Variants in CDIN1 observed in about 807,000 individuals in gnomAD.
CDIN1 encodes the protein CDAN1-interacting nuclease 1.
A neutral mutation model predicts 45.3 loss-of-function variants in CDIN1; 33 were observed. That is an observed-to-expected ratio of 0.73 (90% confidence interval 0.55 to 0.97). The LOEUF is 0.97. CDIN1 is among the 50% of genes least tolerant of loss of function. CDIN1 has a pLI of 0.00. For missense variants in CDIN1, 303 were observed against 339.4 expected (o/e 0.89, Z 0.84); for synonymous variants, 118 against 124.4 (o/e 0.95, Z 0.34).
chr15:36,611,496 G>C (rs1013974090), intron 1 of CDIN1, among the ~76,000 whole-genome samples: 1 of 152,164 alleles, frequency 6.6e-6, no homozygotes, highest in Non-Finnish European at 1.5e-5. Context: ...AATGAAGAAA[G>C]ACTGAGAAGG....
At chr15:36,756,498 A>G (rs1387012085) in intron 10 of CDIN1, among the ~76,000 whole-genome samples, 2 of 152,220 alleles carry the variant, frequency 1.3e-5, no homozygotes, top group African/African-American at 4.8e-5. Context: ...ATTTTGTCAC[A>G]GCCTTTCAAG....
chr15:36,702,925 GT>G (rs1016137948), intron 8 of CDIN1, among the ~76,000 whole-genome samples: 9 of 151,710 alleles, frequency 5.9e-5, no homozygotes, highest in African/African-American at 2.2e-4. Flanking sequence ...AAAGGGCCAG[GT>G]GCAGTGGCTC....
intron 1 of CDIN1, chr15:36,614,058 A>C: frequency 9.5e-7 from 1 of 1,057,392 alleles, no homozygotes; most frequent in Non-Finnish European, 1.5e-6. Flanking sequence ...TGATAAACTC[A>C]AGGAGAGACC....
At chr15:36,617,641 A>G in intron 1 of CDIN1, 1 of 768,276 alleles carries the variant, frequency 1.3e-6, no homozygotes, top group Non-Finnish European at 2.4e-6. Context: ...CATGGTACAA[A>G]TTGATGAGAA....
intron 10 of CDIN1, among the ~76,000 whole-genome samples, chr15:36,757,765 A>G (rs2053646578): frequency 6.6e-6 from 1 of 151,970 alleles, no homozygotes; most frequent in East Asian, 1.9e-4. Context: ...CTCCTGACCT[A>G]CTGTCAGGAG....
chr15:36,776,576 C>A (rs1009670575), intron 10 of CDIN1, among the ~76,000 whole-genome samples: 2 of 152,198 alleles, frequency 1.3e-5, no homozygotes, highest in Non-Finnish European at 2.9e-5. Context: ...TAAAATTATT[C>A]TTCGTGCTAA....
At chr15:36,785,047 G>A (rs1157158743) in intron 10 of CDIN1, among the ~76,000 whole-genome samples, 1 of 152,174 alleles carries the variant, frequency 6.6e-6, no homozygotes, top group Non-Finnish European at 1.5e-5. Context: ...ATGTCAGGGT[G>A]CTGCCCTTGT....
chr15:36,669,059 C>A (rs1018413712), intron 5 of CDIN1: 5 of 152,010 alleles, frequency 3.3e-5, no homozygotes, highest in African/African-American at 1.2e-4. Flanking sequence ...TTTTAGAGAT[C>A]CTTTTCGGAA....
chr15:36,603,443 G>T (rs563850826), intron 1 of CDIN1, among the ~76,000 whole-genome samples: 63 of 152,258 alleles, frequency 4.1e-4, no homozygotes, highest in African/African-American at 1.4e-3. Flanking sequence ...TGCTTAGAAA[G>T]GGAGACTATA....
chr15:36,650,407 TTTATTTATTTATTTATTTATTTA>T (rs2040524922), intron 3 of CDIN1, among the ~76,000 whole-genome samples: 1 of 1,642 alleles, frequency 6.1e-4, no homozygotes, highest in African/African-American at 1.1e-3. Context: ...AAAATTTTTA[TTTATTTATTTATTTATTTATTTA>T]TTTATTTATT....
At chr15:36,722,499 T>G (rs761453094) in intron 10 of CDIN1, among the ~76,000 whole-genome samples, 2 of 152,216 alleles carry the variant, frequency 1.3e-5, no homozygotes, top group African/African-American at 2.4e-5. Context: ...CTTTCTTTGG[T>G]TATCTACTGG....
At chr15:36,580,849 T>G (rs959966659) in intron 1 of CDIN1, among the ~76,000 whole-genome samples, 5 of 152,234 alleles carry the variant, frequency 3.3e-5, no homozygotes, top group Non-Finnish European at 7.3e-5. Flanking sequence ...TTATTCCTAA[T>G]GGAGAGCTTC....
At chr15:36,681,197 A>G (rs2140619743) in intron 5 of CDIN1, among the ~76,000 whole-genome samples, 1 of 152,318 alleles carries the variant, frequency 6.6e-6, no homozygotes, top group African/African-American at 2.4e-5. Flanking sequence ...AAATAAAGGT[A>G]TAGAATTTTG....
At chr15:36,806,795 G>A (rs2055240993) in intron 10 of CDIN1, among the ~76,000 whole-genome samples, 1 of 152,180 alleles carries the variant, frequency 6.6e-6, no homozygotes. Context: ...AAGTTACTAA[G>A]AAACCCTCGG....
intron 1 of CDIN1, among the ~76,000 whole-genome samples, chr15:36,642,494 A>T (rs1387120186): frequency 6.6e-6 from 1 of 152,216 alleles, no homozygotes; most frequent in Non-Finnish European, 1.5e-5. Flanking sequence ...GGCCATAGAA[A>T]ACTGAGTTGC....
chr15:36,760,283 TC>T (rs2053723555), intron 10 of CDIN1, among the ~76,000 whole-genome samples: 1 of 152,196 alleles, frequency 6.6e-6, no homozygotes, highest in Non-Finnish European at 1.5e-5. Context: ...ATTTTCATTC[TC>T]TTCTGTCTTG....
chr15:36,690,693 T>C (rs2042218125), intron 5 of CDIN1, among the ~76,000 whole-genome samples: 2 of 152,308 alleles, frequency 1.3e-5, no homozygotes, highest in South Asian at 4.1e-4. Flanking sequence ...TAGATAATTA[T>C]TCAGTATGCA....
chr15:36,641,027 A>C (rs992802800), intron 1 of CDIN1, among the ~76,000 whole-genome samples: 18 of 152,152 alleles, frequency 1.2e-4, no homozygotes, highest in Admixed American at 2.0e-4. Context: ...CAGAGGAAAA[A>C]TTTTAGGGAA....
intron 10 of CDIN1, among the ~76,000 whole-genome samples, chr15:36,736,724 G>A (rs958387776): frequency 6.6e-6 from 1 of 152,158 alleles, no homozygotes; most frequent in African/African-American, 2.4e-5. Context: ...TGCCTGCAGA[G>A]GAAAGTCAGG....
Sources: allele counts gnomAD v4.1 joint callset (sites outside exome capture counted in the v4.1 genomes callset), GRCh38; gene constraint gnomAD v4.1.1; transcripts MANE v1.5; gene names NCBI Gene and HGNC (gene_info 2026-07-23, HGNC 2026-07-21).